Variants in POLR3A observed in about 807,000 individuals in gnomAD.
POLR3A encodes the protein RNA polymerase III subunit A.
POLR3A carries 112 observed loss-of-function variants against 152.8 expected under a neutral mutation model. That is an observed-to-expected ratio of 0.73 (90% CI 0.63 to 0.86). The LOEUF (loss-of-function observed/expected upper bound fraction) is 0.86, where lower values mean the gene tolerates loss of function less well. Ranked by LOEUF, POLR3A falls within the 40% of genes least tolerant of loss-of-function variation. The probability of loss-of-function intolerance (pLI) is 0.00; values close to 1 mark genes in which losing one functional copy is unlikely to be tolerated. For synonymous variants in POLR3A, 615 were observed against 652.1 expected (o/e 0.94, Z 0.87); for missense variants, 1,385 against 1,743.1 (o/e 0.79, Z 3.66).
chr10:78,024,132 G>A (rs1160554944), intron 5 of POLR3A, among the ~76,000 whole-genome samples: 1 of 152,132 alleles, frequency 6.6e-6, no homozygotes, highest in Non-Finnish European at 1.5e-5. Flanking sequence ...GGGAGGCTGA[G>A]GCGACTGGAT....
intron 9 of POLR3A, among the ~76,000 whole-genome samples, chr10:78,018,410 A>T (rs917254549): frequency 6.6e-6 from 1 of 151,540 alleles, no homozygotes; most frequent in Non-Finnish European, 1.5e-5. Context: ...GAGGCAGGAA[A>T]CTTGCTTGAA....
In POLR3A at chr10:77,995,369, T is replaced by C. The variant is rs1441125247; in HGVS notation, c.2617-2002A>G. Among the ~76,000 whole-genome samples, 6 of 152,106 alleles carry C rather than the reference T, an allele frequency of 3.9e-5. No individual in the cohort carries two copies. In the East Asian group the frequency reaches 5.8e-4, roughly 15 times the overall value. On this transcript the variant is annotated intron_variant, in intron 19 of 30. Coordinates refer to ENST00000372371, the MANE Select transcript of POLR3A (RefSeq NM_007055.4). ...CAATTAAAAGACACAGACTGGCAAA[T>C]TGGATAAAGAGTCAAGACCCATCAG... is the stretch of plus-strand genomic sequence containing the variant.
chr10:78,022,476 C>T lies in POLR3A; in HGVS notation c.646-92G>A, dbSNP rs189221019. 107 of 1,315,240 alleles carry T rather than the reference C, an allele frequency of 8.1e-5. No individual in the cohort carries two copies. The African/African-American group carries it at 1.2e-3, about 15-fold the overall frequency. The allele number at this position is 1,315,240 out of a possible 1,614,324, so 81.5% of individuals were successfully genotyped here. ...TCCTTCACTATGTTTTCTAACCTAT[C>T]TGTCACTAAGGATAAGTGACAACAG... is the stretch of plus-strand genomic sequence containing the variant. On this transcript the variant is annotated intron_variant, in intron 5 of 30. Transcript: ENST00000372371.
chr10:78,019,012 C>T (rs990129509), intron 9 of POLR3A, 150 bp downstream of exon 9: 9 of 696,052 alleles, frequency 1.3e-5, no homozygotes, highest in Non-Finnish European at 2.1e-5. Flanking sequence ...AATGACATAC[C>T]TTGGCTCACG....
chr10:77,994,223 C>T (rs1047728671), intron 19 of POLR3A, among the ~76,000 whole-genome samples: 2 of 152,082 alleles, frequency 1.3e-5, no homozygotes, highest in African/African-American at 2.4e-5. Context: ...ACAAAAAAGA[C>T]GATTAAAGGT....
At chr10:77,978,440 G>A (rs1348392959) in intron 30 of POLR3A, among the ~76,000 whole-genome samples, 2 of 152,202 alleles carry the variant, frequency 1.3e-5, no homozygotes, top group African/African-American at 4.8e-5. Flanking sequence ...GGCAGTGCCA[G>A]GCAGTCAAGG....
At chr10:77,983,830 C>T in intron 26 of POLR3A, 90 bp downstream of exon 26, 2 of 803,826 alleles carry the variant, frequency 2.5e-6, no homozygotes, top group Non-Finnish European at 2.2e-6. Context: ...AATGCTTCCT[C>T]TGTCTTGCTT....
Position 77,985,942 on chromosome 10 carries a change from A to G in POLR3A, c.3032T>C (p.Val1011Ala), listed in dbSNP as rs1323370527. ...YQLDRITPTQVEKFLETCRDK... is the reference protein window; with the variant it reads ...YQLDRITPTQAEKFLETCRDK... ...CCTACAGGTCTCCAGAAACTTTTCT[A>G]CTTGGGTGGGGGTGATGCGGTCCAG... The change falls in exon 23 of 31, where the codon GTA becomes GCA. Residue 1011 changes from valine to alanine, a missense_variant. By Grantham distance (64) the Val-to-Ala change is moderately conservative. Coordinates refer to ENST00000372371, the MANE Select transcript of POLR3A (RefSeq NM_007055.4). The G allele has an allele frequency of 3.1e-6, 5 of 1,614,108 alleles. No homozygotes were observed. The Admixed American group carries it at 5.0e-5, about 16-fold the overall frequency.
rs1348154994 is a variant in POLR3A, at chr10:77,975,769, C to T, written c.*1709G>A. On this transcript the variant is annotated 3_prime_UTR_variant, in exon 31 of 31. Transcript: ENST00000372371. ...CCTCCCCTGGCCTTTGCACGGATCC[C>T]AGTGGTCCTGGCTCGGATCAGGCCT... 1 of 152,282 alleles carries T rather than the reference C, an allele frequency of 6.6e-6. No homozygotes were observed. The highest frequency in any genetic ancestry group is 2.4e-5 in the African/African-American group (1 of 41,468). 9.4% of individuals were successfully genotyped at this position (152,282 alleles called of 1,614,324 possible).
At position 78,024,491 on chromosome 10, in the gene POLR3A, C is replaced by T. The variant is rs941568710; in HGVS notation, c.645+58G>A. The T allele has an allele frequency of 1.9e-4, 293 of 1,577,548 alleles. 1 individual carries two copies. The highest frequency in any genetic ancestry group is 1.2e-4 in the Non-Finnish European group (135 of 1,154,838). The stretch of plus-strand genomic sequence containing the variant: ...GTTGGGGGAGAGAGTGTGCATGTGA[C>T]GTGCGGAAGAGGCAGGCGGGAGGCA... On this transcript the variant is annotated intron_variant, in intron 5 of 30. Coordinates refer to ENST00000372371, the MANE Select transcript of POLR3A (RefSeq NM_007055.4).
intron 15 of POLR3A, 78 bp downstream of exon 15, chr10:78,007,624 A>G (rs1315828571): frequency 3.3e-5 from 43 of 1,291,458 alleles, no homozygotes; most frequent in Non-Finnish European, 4.7e-5. Context: ...AAATGGCAGT[A>G]AAAGAACAAA....
At chr10:78,010,744 C>A (rs951544024) in intron 11 of POLR3A, among the ~76,000 whole-genome samples, 2 of 152,114 alleles carry the variant, frequency 1.3e-5, no homozygotes, top group African/African-American at 4.8e-5. Flanking sequence ...GAAAAAAATA[C>A]CAGCAAGATT....
chr10:78,021,997 T>C lies in POLR3A; in HGVS notation c.911A>G (p.Gln304Arg). 2 of 1,614,194 alleles carry C rather than the reference T, an allele frequency of 1.2e-6. No individual in the cohort carries two copies. Among genetic ancestry groups the C allele is most frequent in the Non-Finnish European group, 1.7e-6 (2 of 1,180,032 alleles). The change falls in exon 7 of 31, where the codon CAG (glutamine) becomes CGG (arginine). Residue 304 changes from glutamine to arginine, a missense_variant. This residue lies in a region of POLR3A where 493 missense variants were observed against 647.5 expected (regional missense o/e 0.76). Coordinates refer to ENST00000372371, the MANE Select transcript of POLR3A (RefSeq NM_007055.4). ...GAAATCCCAGTCCTCCATGATCATC[T>C]GGGTCTTGGCTCCTGAGATCCGATG... ...KKHRISGAKT[Q>R]MIMEDWDFLQ...
At chr10:77,985,808 G>A in intron 23 of POLR3A, 95 bp downstream of exon 23, 2 of 920,764 alleles carry the variant, frequency 2.2e-6, no homozygotes, top group East Asian at 2.4e-5. Flanking sequence ...CAGTTAACAA[G>A]TGAGCTGGTG....
At chr10:77,984,103 T>A in intron 25 of POLR3A, 91 bp from the exon 26 acceptor site, 1 of 1,219,304 alleles carries the variant, frequency 8.2e-7, no homozygotes, top group Non-Finnish European at 1.2e-6. Context: ...GCTTGAGTAG[T>A]GTGGACGCCA....
At chr10:78,024,845 T>C (rs892820223) in intron 4 of POLR3A, 126 bp downstream of exon 4, 2 of 1,365,036 alleles carry the variant, frequency 1.5e-6, no homozygotes, top group Non-Finnish European at 2.1e-6. Context: ...ACATCAGTTG[T>C]TGGGCTCTTA....
chr10:77,999,225 C>G (rs1480147522), intron 19 of POLR3A, among the ~76,000 whole-genome samples: 1 of 152,026 alleles, frequency 6.6e-6, no homozygotes, highest in Non-Finnish European at 1.5e-5. Flanking sequence ...GTACAGCACA[C>G]CAACATGGCA....
chr10:78,017,544 G>C, intron 10 of POLR3A, 31 bp downstream of exon 10: 1 of 1,611,508 alleles, frequency 6.2e-7, no homozygotes, highest in South Asian at 1.1e-5. Context: ...ATTTCTACGT[G>C]ATGGAAAATT....
At chr10:78,023,436 G>A (rs981342857) in intron 5 of POLR3A, among the ~76,000 whole-genome samples, 7 of 152,012 alleles carry the variant, frequency 4.6e-5, no homozygotes, top group African/African-American at 1.7e-4. Context: ...CTCCAGCCTG[G>A]GTGACTGAGC....
Sources: gnomAD v4.1 joint callset for allele counts (sites outside exome capture counted in the v4.1 genomes callset) on GRCh38, gnomAD v4.1.1 for gene constraint, gnomAD v4.1.1 regional missense constraint, MANE v1.5 for transcripts, NCBI Gene and HGNC (gene_info 2026-07-23, HGNC 2026-07-21) for gene names.